KLF8: variants seen among roughly 807,000 people sequenced by gnomAD.
KLF8 encodes KLF transcription factor 8.
In KLF8, 10 loss-of-function variants were observed where a neutral mutation model predicts 18.2. The ratio of observed to expected loss-of-function variants is 0.55; its 90% confidence interval spans 0.34 to 0.93. KLF8 has a LOEUF of 0.93. Ranked by LOEUF, KLF8 falls within the 40% of genes least tolerant of loss-of-function variation. The pLI is 0.02. For missense variants in KLF8, 264 were observed against 277.9 expected, an observed-to-expected ratio of 0.95 and a Z score of 0.36; for synonymous variants, 109 against 97.3, an observed-to-expected ratio of 1.12 and a Z score of -0.71.
At chrX:55,952,868 C>T in the KLF8 span, among the ~76,000 whole-genome samples, 2 of 111,483 alleles carry the variant, frequency 1.8e-5, no homozygotes, top group African/African-American at 3.3e-5. Context: ...TGCATTAATG[C>T]CATTATCTCA....
At chrX:56,072,885 C>T in the KLF8 span, among the ~76,000 whole-genome samples, 1 of 111,358 alleles carries the variant, frequency 9.0e-6, no homozygotes, top group East Asian at 2.8e-4. Context: ...CTGGTAAACT[C>T]TAATCTACTT....
the KLF8 span, among the ~76,000 whole-genome samples, chrX:56,120,928 T>A: frequency 9.0e-6 from 1 of 111,292 alleles, no homozygotes; most frequent in African/African-American, 3.3e-5. Flanking sequence ...GGCTCACGCC[T>A]GTAATCCCAG....
At chrX:56,012,860 A>T in the KLF8 span, among the ~76,000 whole-genome samples, 2 of 112,035 alleles carry the variant, frequency 1.8e-5, no homozygotes, top group Non-Finnish European at 3.8e-5. Flanking sequence ...AAAAAAAACT[A>T]TTCTAAAATT....
the KLF8 span, chrX:55,961,662 G>C: frequency 2.4e-6 from 1 of 409,408 alleles, no homozygotes; most frequent in South Asian, 2.9e-5. Flanking sequence ...AGCTCAGCCA[G>C]GATGTCCAAA....
chrX:56,100,229 C>A, the KLF8 span, among the ~76,000 whole-genome samples: 1 of 111,014 alleles, frequency 9.0e-6, no homozygotes, highest in Admixed American at 9.6e-5. Context: ...GCCTGGATGA[C>A]AACATATCTG....
chrX:56,052,739 C>T, the KLF8 span, among the ~76,000 whole-genome samples: 2 of 112,012 alleles, frequency 1.8e-5, no homozygotes, highest in African/African-American at 6.5e-5. Flanking sequence ...GTGCCCTGCC[C>T]CCAGAGGTGT....
chrX:56,200,857 A>T, the KLF8 span, among the ~76,000 whole-genome samples: 1 of 111,954 alleles, frequency 8.9e-6, no homozygotes, highest in East Asian at 2.8e-4. Flanking sequence ...CAAAAGGTAT[A>T]TGAAAGACAC....
At chrX:55,978,230 A>T in the KLF8 span, among the ~76,000 whole-genome samples, 1 of 110,989 alleles carries the variant, frequency 9.0e-6, no homozygotes, top group African/African-American at 3.3e-5. Flanking sequence ...TACCCTCTTA[A>T]CTATGAAAAA....
At chrX:56,144,488 G>A in the KLF8 span, among the ~76,000 whole-genome samples, 1 of 109,489 alleles carries the variant, frequency 9.1e-6, no homozygotes, top group Non-Finnish European at 1.9e-5. Context: ...GGTGGCTCAC[G>A]CCTGTAATCC....
At chrX:56,037,896 G>A in the KLF8 span, among the ~76,000 whole-genome samples, 2 of 111,627 alleles carry the variant, frequency 1.8e-5, no homozygotes, top group Non-Finnish European at 3.8e-5. Flanking sequence ...CTGTTTTGCT[G>A]TCAAATAGTA....
the KLF8 span, among the ~76,000 whole-genome samples, chrX:56,221,745 G>C: frequency 9.0e-6 from 1 of 111,690 alleles, no homozygotes; most frequent in Non-Finnish European, 1.9e-5. Context: ...GAGTGTCACA[G>C]CTCATAAAGG....
chrX:56,057,527 C>T, the KLF8 span, among the ~76,000 whole-genome samples: 1 of 111,513 alleles, frequency 9.0e-6, no homozygotes, highest in Non-Finnish European at 1.9e-5. Flanking sequence ...CTTGTGTGGC[C>T]ATGGGGGCAG....
At chrX:55,951,174 TG>T in the KLF8 span, among the ~76,000 whole-genome samples, 3 of 111,162 alleles carry the variant, frequency 2.7e-5, no homozygotes, top group Non-Finnish European at 5.7e-5. Flanking sequence ...GAAGGCTTGT[TG>T]TATGTAAGAG....
At chrX:56,061,992 TTTTTTTTTTTTTTC>T in the KLF8 span, among the ~76,000 whole-genome samples, 1 of 100,118 alleles carries the variant, frequency 1.0e-5, no homozygotes, top group African/African-American at 4.2e-5. Context: ...CCTGCTTTTT[TTTTTTTTTTTTTTC>T]TTTTTGGCTT....
the KLF8 span, among the ~76,000 whole-genome samples, chrX:56,046,838 C>G: frequency 9.0e-6 from 1 of 111,354 alleles, no homozygotes; most frequent in African/African-American, 3.3e-5. Context: ...TTTACATAAC[C>G]TGATGACTAT....
chrX:56,065,719 T>A, the KLF8 span, among the ~76,000 whole-genome samples: 51 of 111,974 alleles, frequency 4.6e-4, no homozygotes, highest in Non-Finnish European at 8.8e-4. Context: ...TTTTTAAAGA[T>A]GGATTTATGT....
At chrX:56,115,503 CTT>C in the KLF8 span, among the ~76,000 whole-genome samples, 1 of 111,427 alleles carries the variant, frequency 9.0e-6, no homozygotes, top group African/African-American at 3.3e-5. Flanking sequence ...TCAAAGGAAT[CTT>C]TATTCCCTAT....
the KLF8 span, among the ~76,000 whole-genome samples, chrX:55,987,350 C>T: frequency 1.8e-5 from 2 of 110,434 alleles, no homozygotes; most frequent in Non-Finnish European, 3.8e-5. Flanking sequence ...TACCTCCCCC[C>T]TCCCCCAACC....
At chrX:56,064,878 G>C in the KLF8 span, among the ~76,000 whole-genome samples, 4 of 111,301 alleles carry the variant, frequency 3.6e-5, no homozygotes, top group Non-Finnish European at 5.7e-5. Flanking sequence ...TAGCGTTGTT[G>C]GCTGGCAGTT....
Sources: allele counts gnomAD v4.1 joint callset (sites outside exome capture counted in the v4.1 genomes callset), GRCh38; gene constraint gnomAD v4.1.1; transcripts MANE v1.5; gene names NCBI Gene and HGNC (gene_info 2026-07-23, HGNC 2026-07-21).